The following ZNF385D variants were observed in gnomAD, a reference collection of about 807,000 sequenced individuals.
ZNF385D encodes zinc finger protein 385D.
In ZNF385D, 15 loss-of-function variants were observed where a neutral mutation model predicts 35.8. The observed-to-expected ratio is 0.42, with a 90% CI of 0.28 to 0.64. ZNF385D has a LOEUF of 0.64. Ranked by LOEUF, ZNF385D falls within the 30% of genes least tolerant of loss-of-function variation. The pLI is 0.23. For missense variants in ZNF385D, 474 were observed against 494.6 expected, an observed-to-expected ratio of 0.96 and a Z score of 0.39; for synonymous variants, 212 against 186.8, an observed-to-expected ratio of 1.13 and a Z score of -1.10.
At chr3:21,832,001 T>G (rs1695020025) in intron 3 of ZNF385D, among the ~76,000 whole-genome samples, 1 of 152,186 alleles carries the variant, frequency 6.6e-6, no homozygotes. Context: ...TCCCTTTAAT[T>G]AGCTTGCATA....
At chr3:22,340,934 T>G (rs996813727) in intron 2 of ZNF385D, among the ~76,000 whole-genome samples, 1 of 152,206 alleles carries the variant, frequency 6.6e-6, no homozygotes, top group African/African-American at 2.4e-5. Flanking sequence ...TTGTATATTC[T>G]ATCTCTTCCC....
intron 4 of ZNF385D, among the ~76,000 whole-genome samples, chr3:21,458,897 T>C (rs1025190637): frequency 3.3e-5 from 5 of 152,146 alleles, no homozygotes; most frequent in African/African-American, 1.2e-4. Context: ...GTTCTGAATA[T>C]ACTAAAACCA....
At chr3:21,940,424 G>C (rs185178213) in intron 3 of ZNF385D, among the ~76,000 whole-genome samples, 1 of 152,122 alleles carries the variant, frequency 6.6e-6, no homozygotes, top group Non-Finnish European at 1.5e-5. Context: ...TGAAGATTAG[G>C]AAATACATAT....
intron 3 of ZNF385D, among the ~76,000 whole-genome samples, chr3:22,128,872 C>T (rs1243231446): frequency 2.6e-5 from 4 of 152,164 alleles, no homozygotes; most frequent in African/African-American, 7.2e-5. Flanking sequence ...CATTTCTTGT[C>T]ACTCTGAAAT....
chr3:21,429,001 T>C (rs936121513), intron 5 of ZNF385D, among the ~76,000 whole-genome samples: 1 of 145,808 alleles, frequency 6.9e-6, no homozygotes, highest in Non-Finnish European at 1.5e-5. Flanking sequence ...CATATTACGC[T>C]TAAAATCAAG....
intron 2 of ZNF385D, among the ~76,000 whole-genome samples, chr3:22,173,162 C>A (rs1694582713): frequency 6.6e-6 from 1 of 152,138 alleles, no homozygotes; most frequent in Non-Finnish European, 1.5e-5. Flanking sequence ...CTGTCAAGGT[C>A]ATCAAAACTA....
intron 3 of ZNF385D, among the ~76,000 whole-genome samples, chr3:22,083,452 C>T (rs1404749603): frequency 2.0e-5 from 3 of 152,134 alleles, no homozygotes; most frequent in Non-Finnish European, 4.4e-5. Flanking sequence ...GCTTCAGTAG[C>T]TGATTCGATC....
At chr3:21,527,512 T>C (rs1045717823) in intron 3 of ZNF385D, among the ~76,000 whole-genome samples, 2 of 152,216 alleles carry the variant, frequency 1.3e-5, no homozygotes, top group African/African-American at 4.8e-5. Context: ...ATCAAATTAC[T>C]GAATAGAATG....
intron 1 of ZNF385D, among the ~76,000 whole-genome samples, chr3:21,718,846 GTTTA>G (rs973016593): frequency 6.6e-6 from 1 of 152,112 alleles, no homozygotes; most frequent in Non-Finnish European, 1.5e-5. Flanking sequence ...GTATTGTAAG[GTTTA>G]TTTGTCTCCA....
At chr3:22,347,138 C>G (rs1372897806) in intron 2 of ZNF385D, among the ~76,000 whole-genome samples, 1 of 151,928 alleles carries the variant, frequency 6.6e-6, no homozygotes, top group Non-Finnish European at 1.5e-5. Context: ...TTTTCATTAC[C>G]CTTTACAAAA....
intron 3 of ZNF385D, among the ~76,000 whole-genome samples, chr3:21,829,775 G>C (rs1694872704): frequency 6.6e-6 from 1 of 151,602 alleles, no homozygotes; most frequent in Non-Finnish European, 1.5e-5. Context: ...AGTAATTGTG[G>C]TCTTTGCCAT....
At chr3:22,132,509 G>C (rs746583789) in intron 3 of ZNF385D, among the ~76,000 whole-genome samples, 8 of 152,182 alleles carry the variant, frequency 5.3e-5, no homozygotes, top group Non-Finnish European at 1.2e-4. Flanking sequence ...ATAAGATATA[G>C]GTAAGTTTCA....
intron 3 of ZNF385D, among the ~76,000 whole-genome samples, chr3:22,082,444 C>T (rs1309210824): frequency 1.3e-5 from 2 of 152,274 alleles, no homozygotes; most frequent in African/African-American, 4.8e-5. Flanking sequence ...GAGACTTGCT[C>T]ACTGCTAGTG....
chr3:21,670,219 ACAT>A (rs2066523001), intron 1 of ZNF385D, among the ~76,000 whole-genome samples: 1 of 151,990 alleles, frequency 6.6e-6, no homozygotes, highest in Non-Finnish European at 1.5e-5. Context: ...TCTTTTCCCT[ACAT>A]CATCAACTTA....
intron 2 of ZNF385D, among the ~76,000 whole-genome samples, chr3:22,343,872 T>C: frequency 6.6e-6 from 1 of 152,122 alleles, no homozygotes; most frequent in East Asian, 1.9e-4. Context: ...CTGGAATGCT[T>C]ATTAATTCCC....
chr3:21,489,698 TTCATTTATCTGCC>T (rs1341773681), intron 4 of ZNF385D, among the ~76,000 whole-genome samples: 1 of 152,158 alleles, frequency 6.6e-6, no homozygotes, highest in African/African-American at 2.4e-5. Flanking sequence ...GCTAGAGGCA[TTCATTTATCTGCC>T]TCATATCTGC....
chr3:21,659,898 G>C (rs963465508), intron 2 of ZNF385D, among the ~76,000 whole-genome samples: 3 of 152,004 alleles, frequency 2.0e-5, no homozygotes, highest in Non-Finnish European at 2.9e-5. Context: ...CAGAACTTTT[G>C]ATTCAGAATC....
At chr3:22,104,055 T>C (rs576102730) in intron 3 of ZNF385D, among the ~76,000 whole-genome samples, 9 of 152,226 alleles carry the variant, frequency 5.9e-5, no homozygotes, top group African/African-American at 2.2e-4. Flanking sequence ...TTGCCAGCCT[T>C]GGGGAGTGAG....
intron 3 of ZNF385D, among the ~76,000 whole-genome samples, chr3:21,981,651 G>T (rs1465191542): frequency 6.6e-6 from 1 of 152,100 alleles, no homozygotes; most frequent in Non-Finnish European, 1.5e-5. Context: ...CCTATGTCCA[G>T]GGTGGTATTG....
Sources: allele counts gnomAD v4.1 joint callset (sites outside exome capture counted in the v4.1 genomes callset), GRCh38; gene constraint gnomAD v4.1.1; transcripts MANE v1.5; gene names NCBI Gene and HGNC (gene_info 2026-07-23, HGNC 2026-07-21).